XIRP2: variants seen among roughly 807,000 people sequenced by gnomAD.
XIRP2 encodes the protein xin actin binding repeat containing 2.
In XIRP2, 236 loss-of-function variants were observed where a neutral mutation model predicts 277.0. The observed-to-expected ratio is 0.85, with a 90% CI of 0.77 to 0.95. The LOEUF is 0.95. Among genes scored for constraint, XIRP2 ranks in the 40% least tolerant of loss-of-function variants. XIRP2 has a pLI of 0.00. For missense variants in XIRP2, 4,640 were observed against 4,157.5 expected, an observed-to-expected ratio of 1.12 and a Z score of -3.19; for synonymous variants, 1,490 against 1,416.5, an observed-to-expected ratio of 1.05 and a Z score of -1.17.
At chr2:167,179,475 C>G (rs1301118897) in intron 3 of XIRP2, among the ~76,000 whole-genome samples, 1 of 151,790 alleles carries the variant, frequency 6.6e-6, no homozygotes, top group Admixed American at 6.6e-5. Context: ...GGTGCACCAC[C>G]ACACCTGGCT....
At chr2:167,230,620 A>T (rs1318485926) in intron 5 of XIRP2, among the ~76,000 whole-genome samples, 13 of 152,080 alleles carry the variant, frequency 8.5e-5, no homozygotes, top group Admixed American at 7.2e-4. Flanking sequence ...TATATTCATG[A>T]TATATCTTTG....
intron 3 of XIRP2, among the ~76,000 whole-genome samples, chr2:167,175,012 T>C (rs1410649423): frequency 6.6e-6 from 1 of 152,162 alleles, no homozygotes; most frequent in East Asian, 1.9e-4. Context: ...CATTATGTGG[T>C]CAATTTTAGA....
chr2:167,049,285 T>A (rs1364670504), intron 2 of XIRP2, among the ~76,000 whole-genome samples: 1 of 151,936 alleles, frequency 6.6e-6, no homozygotes, highest in East Asian at 1.9e-4. Context: ...GCCCTTTGAT[T>A]TTTAAATTTG....
rs778723796 is a variant in XIRP2, at chr2:167,246,528, T to C, written c.5136T>C (p.Asp1712=). 1.9e-6 allele frequency: 3 copies of C among 1,613,760 alleles called. No individual in the cohort carries two copies. In the South Asian group the frequency reaches 3.3e-5, roughly 18 times the overall value. ...AGCGTGAAGAAGTAATAGGTGGTGATGTCAAACGTACCATTCATAATTTAT... is the reference window on the plus strand; with the variant it reads ...AGCGTGAAGAAGTAATAGGTGGTGACGTCAAACGTACCATTCATAATTTAT... ...TIEREEVIGG[D]VKRTIHNLLS... Residue 1712 remains aspartate (D), a synonymous_variant, in exon 9 of 11, where the codon GAT becomes GAC. Transcript: ENST00000409195.
In XIRP2 at chr2:167,248,006, A is replaced by C. The variant is rs73029762; in HGVS notation, c.6614A>C (p.Asn2205Thr). 2,552 of 1,613,110 alleles carry C rather than the reference A, an allele frequency of 1.6e-3. 45 individuals are homozygous for C. In the African/African-American group the frequency reaches 0.03, roughly 19 times the overall value. The change falls in exon 9 of 11, where the codon AAC becomes ACC. Residue 2205 changes from asparagine to threonine, a missense_variant. Asn to Thr is a moderately conservative substitution (Grantham distance 65). Transcript: ENST00000409195. ...AAGGATATAAAGAAAAAGAATATAA[A>C]CCTTCAACCAATGTGGCAGCTTTTG... is the stretch of plus-strand genomic sequence containing the variant. ...SNKDIKKKNI[N>T]LQPMWQLLPV...
intron 3 of XIRP2, among the ~76,000 whole-genome samples, chr2:167,178,471 T>G (rs892993771): frequency 6.6e-6 from 1 of 152,172 alleles, no homozygotes; most frequent in Non-Finnish European, 1.5e-5. Context: ...TTTGACAAAT[T>G]TCTTCCATTT....
At chr2:167,009,371 A>C (rs951863282) in intron 2 of XIRP2, among the ~76,000 whole-genome samples, 1 of 151,824 alleles carries the variant, frequency 6.6e-6, no homozygotes, top group Non-Finnish European at 1.5e-5. Flanking sequence ...AATTTCATCC[A>C]TGTCCCTACA....
chr2:167,057,695 T>C (rs975198753), intron 2 of XIRP2, among the ~76,000 whole-genome samples: 2 of 152,128 alleles, frequency 1.3e-5, no homozygotes, highest in Non-Finnish European at 2.9e-5. Flanking sequence ...ATAAATACAG[T>C]GTTGTAGCTC....
chr2:167,092,874 T>C (rs974939426), intron 2 of XIRP2, among the ~76,000 whole-genome samples: 4 of 152,132 alleles, frequency 2.6e-5, no homozygotes, highest in Middle Eastern at 3.2e-3. Context: ...GAATAGTGAC[T>C]CTAACTGAAA....
chr2:166,913,099 C>T lies in XIRP2; in HGVS notation c.408+9209C>T, dbSNP rs181855697. ...CTATCCATTCTCAGATCTCAAACTC[C>T]GTGCTGGGAGAACCACTACTCACTT... On this transcript the variant is annotated intron_variant, in intron 2 of 10. Transcript: ENST00000409195. Among the ~76,000 whole-genome samples, 232 of 152,300 alleles carry T rather than the reference C, an allele frequency of 1.5e-3. 8 individuals carry two copies. In the East Asian group the frequency reaches 0.04, roughly 26 times the overall value.
chr2:167,061,113 A>G (rs561563471), intron 2 of XIRP2, among the ~76,000 whole-genome samples: 14 of 152,280 alleles, frequency 9.2e-5, no homozygotes, highest in Non-Finnish European at 1.8e-4. Flanking sequence ...CTCACTTTAT[A>G]TAATAGAAGA....
intron 3 of XIRP2, among the ~76,000 whole-genome samples, chr2:167,155,548 C>G (rs968465681): frequency 1.3e-5 from 2 of 152,106 alleles, no homozygotes; most frequent in African/African-American, 2.4e-5. Context: ...ATTCAACAGC[C>G]CTTCATGTTA....
At chr2:166,903,150 T>C (rs1220126673) in intron 1 of XIRP2, among the ~76,000 whole-genome samples, 1 of 152,098 alleles carries the variant, frequency 6.6e-6, no homozygotes, top group African/African-American at 2.4e-5. Context: ...ATTTTATATT[T>C]TAAATAACTG....
At position 167,115,015 on chromosome 2, in the gene XIRP2, G is replaced by A. The variant is rs552789437; in HGVS notation, c.409-20894G>A. Among the ~76,000 whole-genome samples the A allele has an allele frequency of 5.9e-3, 895 of 152,144 alleles. 5 individuals are homozygous for A. The highest frequency in any genetic ancestry group is 0.02 in the African/African-American group (846 of 41,512). ...TCTAGTTCTAGATCCCTGAGGAATC[G>A]CCACACTGACTTCCACAATGGTTGA... On this transcript the variant is annotated intron_variant, in intron 2 of 10. Transcript: ENST00000409195.
chr2:167,132,655 C>T (rs907409831), intron 2 of XIRP2, among the ~76,000 whole-genome samples: 7 of 152,184 alleles, frequency 4.6e-5, no homozygotes, highest in African/African-American at 1.4e-4. Flanking sequence ...TCCAGCACCA[C>T]GTGTTTCCTT....
At chr2:167,022,507 G>A (rs949635510) in intron 2 of XIRP2, among the ~76,000 whole-genome samples, 1 of 151,974 alleles carries the variant, frequency 6.6e-6, no homozygotes, top group Non-Finnish European at 1.5e-5. Context: ...GTGCAGGTTA[G>A]TTACCTATGT....
chr2:166,963,311 T>TATTC (rs766770629), intron 2 of XIRP2, among the ~76,000 whole-genome samples: 2 of 151,806 alleles, frequency 1.3e-5, no homozygotes, highest in African/African-American at 4.8e-5. Context: ...TCCTCTCATT[T>TATTC]ATTCATTCAT....
chr2:166,998,844 T>G (rs969556323), intron 2 of XIRP2, among the ~76,000 whole-genome samples: 1 of 152,210 alleles, frequency 6.6e-6, no homozygotes, highest in African/African-American at 2.4e-5. Context: ...GGTGGATCCC[T>G]GAACCACCTG....
In XIRP2 at chr2:167,248,038, G is replaced by C. The variant is rs753778695; in HGVS notation, c.6646G>C (p.Glu2216Gln). ...LQPMWQLLPV[E>Q]QDTSNVTEMK... The stretch of plus-strand genomic sequence containing the variant: ...ACCAATGTGGCAGCTTTTGCCTGTA[G>C]AGCAAGACACATCCAATGTAACAGA... The change falls in exon 9 of 11, where the codon GAG becomes CAG. Residue 2216 changes from glutamate (E) to glutamine (Q), a missense_variant. Glu to Gln is a conservative substitution (Grantham distance 29). Transcript: ENST00000409195. 5 of 1,613,484 alleles carry C rather than the reference G, an allele frequency of 3.1e-6. No homozygotes were observed. Among genetic ancestry groups the C allele is most frequent in the Non-Finnish European group, 4.2e-6 (5 of 1,179,778 alleles).
Sources: gnomAD v4.1 joint callset for allele counts (sites outside exome capture counted in the v4.1 genomes callset) on GRCh38, gnomAD v4.1.1 for gene constraint, MANE v1.5 for transcripts, NCBI Gene and HGNC (gene_info 2026-07-23, HGNC 2026-07-21) for gene names.